The following RIMS2 variants were observed in gnomAD, a reference collection of about 807,000 sequenced individuals.
RIMS2 encodes regulating synaptic membrane exocytosis protein 2.
Under a neutral mutation model 174.4 loss-of-function variants are expected in RIMS2, and 59 were observed. That is an observed-to-expected ratio of 0.34 (90% CI 0.27 to 0.42). The LOEUF is 0.42. Ranked by LOEUF, RIMS2 falls within the 10% of genes least tolerant of loss-of-function variation. RIMS2 has a pLI of 1.00. For synonymous variants in RIMS2, 606 were observed against 572.5 expected, an observed-to-expected ratio of 1.06 and a Z score of -0.84; for missense variants, 1,620 against 1,666.3, an observed-to-expected ratio of 0.97 and a Z score of 0.48.
chr8:104,233,148 G>T (rs2099240414), intron 19 of RIMS2, among the ~76,000 whole-genome samples: 1 of 152,142 alleles, frequency 6.6e-6, no homozygotes, highest in South Asian at 2.1e-4. Flanking sequence ...AACTTTTTCT[G>T]CAGATTTGAC....
At chr8:103,692,268 C>T (rs548183752) in intron 1 of RIMS2, among the ~76,000 whole-genome samples, 6 of 152,342 alleles carry the variant, frequency 3.9e-5, no homozygotes, top group African/African-American at 1.4e-4. Context: ...CTAAAGCCAG[C>T]CAGGCTTTTG....
chr8:103,534,594 A>T (rs1838934334), intron 1 of RIMS2, among the ~76,000 whole-genome samples: 1 of 147,600 alleles, frequency 6.8e-6, no homozygotes, highest in Non-Finnish European at 1.5e-5. Flanking sequence ...GCAAAAATAT[A>T]TTACTAAAAT....
At chr8:103,927,325 A>G (rs1162321781) in intron 10 of RIMS2, among the ~76,000 whole-genome samples, 1 of 151,492 alleles carries the variant, frequency 6.6e-6, no homozygotes, top group Non-Finnish European at 1.5e-5. Context: ...TCTTTTAAGA[A>G]ATTCTAAAGC....
intron 3 of RIMS2, among the ~76,000 whole-genome samples, chr8:103,801,032 G>A (rs375986200): frequency 2.0e-5 from 3 of 151,262 alleles, no homozygotes; most frequent in South Asian, 2.1e-4. Flanking sequence ...TTGCTTTGTC[G>A]CCCAGGCTGG....
chr8:103,948,214 T>C (rs1432076576), intron 14 of RIMS2, among the ~76,000 whole-genome samples: 1 of 152,120 alleles, frequency 6.6e-6, no homozygotes, highest in Non-Finnish European at 1.5e-5. Context: ...TGTGGAGAAA[T>C]TGGAACCCTC....
intron 19 of RIMS2, among the ~76,000 whole-genome samples, chr8:104,073,513 A>T (rs936159144): frequency 1.3e-5 from 2 of 152,192 alleles, no homozygotes; most frequent in Admixed American, 1.3e-4. Flanking sequence ...AATTATCACA[A>T]AAATGTCTCA....
chr8:103,681,514 C>G lies in RIMS2; in HGVS notation c.177-15572C>G, dbSNP rs575128460. The stretch of plus-strand genomic sequence containing the variant: ...GTATGATCAATTATATTATGGATAC[C>G]TAAGGTTTTAAAAAAGAGAATTAAA... On this transcript the variant is annotated intron_variant, in intron 1 of 23. Transcript: ENST00000504942. 4.0e-5 allele frequency among the ~76,000 whole-genome samples: 6 copies of G among 151,656 alleles called. No homozygotes were observed. In the South Asian group the frequency reaches 1.3e-3, roughly 32 times the overall value.
intron 15 of RIMS2, among the ~76,000 whole-genome samples, chr8:103,974,869 G>A (rs1010365385): frequency 6.6e-5 from 10 of 151,904 alleles, no homozygotes; most frequent in Admixed American, 1.3e-4. Flanking sequence ...AGCAAAAGCC[G>A]TTTACACATC....
intron 19 of RIMS2, among the ~76,000 whole-genome samples, chr8:104,169,593 T>G (rs1372580129): frequency 6.6e-6 from 1 of 152,038 alleles, no homozygotes; most frequent in East Asian, 1.9e-4. Flanking sequence ...TTATTCTCGC[T>G]AATGGTCTAT....
At chr8:103,834,699 T>TCTTTCTTTCTTTCTTC (rs2098850514) in intron 3 of RIMS2, among the ~76,000 whole-genome samples, 1 of 101,776 alleles carries the variant, frequency 9.8e-6, no homozygotes, top group Non-Finnish European at 1.9e-5. Context: ...TTTCTTTCTT[T>TCTTTCTTTCTTTCTTC]CTTTCTTTCT....
At chr8:103,842,187 C>T (rs1379814827) in intron 3 of RIMS2, among the ~76,000 whole-genome samples, 2 of 151,996 alleles carry the variant, frequency 1.3e-5, no homozygotes, top group Non-Finnish European at 2.9e-5. Flanking sequence ...TATTGACTCT[C>T]CTTATAATTT....
rs2099127917 is a variant in RIMS2, at chr8:103,874,780, A to G, written c.699-10518A>G. Among the ~76,000 whole-genome samples the G allele has an allele frequency of 2.0e-5, 3 of 152,062 alleles. No individual in the cohort carries two copies. The South Asian group carries it at 6.2e-4, about 32-fold the overall frequency. On this transcript the variant is annotated intron_variant, in intron 3 of 23. Transcript: ENST00000504942. ...GTCTCAGACATGCCTCTTAGTTGAT[A>G]TCCCTCTTTTAATGTGGTGTTTAAA...
chr8:103,881,374 T>C (rs2099166674), intron 3 of RIMS2, among the ~76,000 whole-genome samples: 1 of 151,566 alleles, frequency 6.6e-6, no homozygotes, highest in Non-Finnish European at 1.5e-5. Context: ...GTCAGAATTA[T>C]AGCTGGTATT....
intron 19 of RIMS2, among the ~76,000 whole-genome samples, chr8:104,109,083 G>T (rs753236865): frequency 2.0e-5 from 3 of 151,790 alleles, no homozygotes; most frequent in African/African-American, 7.3e-5. Flanking sequence ...AGATCAATAG[G>T]TCAGGAGATC....
intron 19 of RIMS2, among the ~76,000 whole-genome samples, chr8:104,178,702 T>C (rs2098920971): frequency 6.6e-6 from 1 of 152,058 alleles, no homozygotes; most frequent in African/African-American, 2.4e-5. Context: ...AAAATCTACA[T>C]TTTGTTGTTG....
intron 1 of RIMS2, among the ~76,000 whole-genome samples, chr8:103,609,708 A>T (rs1418957635): frequency 2.0e-5 from 3 of 152,032 alleles, no homozygotes; most frequent in African/African-American, 7.2e-5. Flanking sequence ...TGTCTTTGTA[A>T]CCGTTCCATG....
chr8:103,634,268 C>T (rs370628755), intron 1 of RIMS2, among the ~76,000 whole-genome samples: 3 of 152,256 alleles, frequency 2.0e-5, no homozygotes, highest in African/African-American at 4.8e-5. Flanking sequence ...GCCTTAATTT[C>T]GTTATTTACT....
At chr8:104,190,656 C>T (rs941790538) in intron 19 of RIMS2, among the ~76,000 whole-genome samples, 2 of 152,082 alleles carry the variant, frequency 1.3e-5, no homozygotes, top group Non-Finnish European at 2.9e-5. Context: ...TCTGGGTGCG[C>T]AATGACTGCA....
intron 19 of RIMS2, among the ~76,000 whole-genome samples, chr8:104,039,855 AT>A (rs1355550541): frequency 6.6e-6 from 1 of 151,420 alleles, no homozygotes; most frequent in African/African-American, 2.4e-5. Context: ...GAATCTGAAG[AT>A]TTTTTTTCTA....
Sources: gnomAD v4.1 joint callset for allele counts (sites outside exome capture counted in the v4.1 genomes callset) on GRCh38, gnomAD v4.1.1 for gene constraint, MANE v1.5 for transcripts, NCBI Gene and HGNC (gene_info 2026-07-23, HGNC 2026-07-21) for gene names.